The following SLC43A2 variants were observed in gnomAD, a reference collection of about 807,000 sequenced individuals.
SLC43A2 encodes the protein solute carrier family 43 member 2, also known as large neutral amino acids transporter small subunit 4.
Under a neutral mutation model 63.2 loss-of-function variants are expected in SLC43A2, and 38 were observed. That is an observed-to-expected ratio of 0.60 (90% CI 0.46 to 0.79). The LOEUF (loss-of-function observed/expected upper bound fraction) is 0.79. SLC43A2 is among the 30% of genes least tolerant of loss of function. The pLI, the probability that SLC43A2 is intolerant of heterozygous loss-of-function variation, is 0.00. For missense variants in SLC43A2, 644 were observed against 756.2 expected (o/e 0.85, Z 1.74); for synonymous variants, 322 against 331.0 (o/e 0.97, Z 0.30).
intron 5 of SLC43A2, among the ~76,000 whole-genome samples, chr17:1,595,634 T>C (rs1457001190): frequency 1.3e-5 from 2 of 151,962 alleles, no homozygotes; most frequent in African/African-American, 4.8e-5. Flanking sequence ...TTAGTAGAGA[T>C]AGGGTTTCAC....
intron 9 of SLC43A2, among the ~76,000 whole-genome samples, chr17:1,587,256 C>T (rs1454856710): frequency 6.6e-6 from 1 of 152,194 alleles, no homozygotes; most frequent in Non-Finnish European, 1.5e-5. Flanking sequence ...GTGAATCAGG[C>T]CTGTGACGTT....
intron 2 of SLC43A2, among the ~76,000 whole-genome samples, chr17:1,621,114 C>T (rs185670495): frequency 1.2e-4 from 19 of 152,172 alleles, no homozygotes; most frequent in Admixed American, 1.1e-3. Context: ...AGGAGGAGAC[C>T]CAGGGCCAGG....
intron 5 of SLC43A2, among the ~76,000 whole-genome samples, chr17:1,595,982 T>A (rs754325705): frequency 4.6e-5 from 7 of 152,172 alleles, no homozygotes; most frequent in Non-Finnish European, 1.0e-4. Flanking sequence ...GTAAGGGATG[T>A]CAGCAAAATT....
At chr17:1,579,017 T>G (rs1187804784) in intron 11 of SLC43A2, among the ~76,000 whole-genome samples, 1 of 151,714 alleles carries the variant, frequency 6.6e-6, no homozygotes, top group Non-Finnish European at 1.5e-5. Context: ...GGTGGGCACC[T>G]GTAATCTCAG....
chr17:1,628,006 C>T, intron 1 of SLC43A2, 86 bp from the exon 2 acceptor site: 4 of 1,211,074 alleles, frequency 3.3e-6, no homozygotes, highest in South Asian at 7.2e-5. Flanking sequence ...CCGCAGGGCT[C>T]GGGATTGCCA....
intron 4 of SLC43A2, among the ~76,000 whole-genome samples, chr17:1,614,052 G>A (rs1907368124): frequency 6.6e-6 from 1 of 152,092 alleles, no homozygotes; most frequent in Non-Finnish European, 1.5e-5. Flanking sequence ...GACCATCCTG[G>A]TTAACACAGT....
At chr17:1,611,915 G>GAA (rs397793358) in intron 5 of SLC43A2, among the ~76,000 whole-genome samples, 1 of 151,102 alleles carries the variant, frequency 6.6e-6, no homozygotes, top group South Asian at 2.1e-4. Context: ...AGCCCACAGA[G>GAA]TTCCCTTCTT....
At chr17:1,623,106 C>G (rs1211652444) in intron 2 of SLC43A2, among the ~76,000 whole-genome samples, 1 of 152,164 alleles carries the variant, frequency 6.6e-6, no homozygotes, top group Non-Finnish European at 1.5e-5. Context: ...AACTCCGTTC[C>G]CTCCTCCCCA....
intron 13 of SLC43A2, among the ~76,000 whole-genome samples, chr17:1,576,113 C>T (rs1253039674): frequency 1.5e-5 from 2 of 135,950 alleles, no homozygotes; most frequent in Non-Finnish European, 3.0e-5. Flanking sequence ...CGAAGTCTCG[C>T]GCTGTCGTCA....
rs1906531613 is a variant in SLC43A2 at position 1,605,588 on chromosome 17, CTGGGAGG to C, written c.501+7600_501+7606del. On this transcript the variant is annotated intron_variant, in intron 5 of 13. Coordinates refer to ENST00000301335, the MANE Select transcript of SLC43A2 (RefSeq NM_152346.3). This position sits in a 1 kb window ranked among gnomAD's most constrained non-coding sequence, Gnocchi z 4.9. ...TGGGTGGTGGGTGGGGGCTGCGGAGCTGGGAGGTGGGTGGGGGCTGGGGAGCTGGGTG... is the reference window on the plus strand; with the variant it reads ...TGGGTGGTGGGTGGGGGCTGCGGAGCTGGGTGGGGGCTGGGGAGCTGGGTG... Among the ~76,000 whole-genome samples, 1 of 23,526 alleles carries C rather than the reference CTGGGAGG, an allele frequency of 4.3e-5. No individual in the cohort carries two copies. The highest frequency in any genetic ancestry group is 1.8e-4 in the African/African-American group (1 of 5,598). The allele number at this position is 23,526 out of a possible 152,430, so 15.4% of individuals were successfully genotyped here.
At chr17:1,630,076 CAAAATAAAAACCA>C (rs1909030454), upstream of SLC43A2, among the ~76,000 whole-genome samples, 1 of 152,202 alleles carries the variant, frequency 6.6e-6, no homozygotes, top group East Asian at 1.9e-4. Context: ...CCATCTCTAC[CAAAATAAAAACCA>C]AAAATAAAAC....
chr17:1,575,571 A>T lies in SLC43A2; in HGVS notation c.*33T>A. On this transcript the variant is annotated 3_prime_UTR_variant, in exon 14 of 14. Transcript: ENST00000301335. ...GGACAGGGGTCAGTCACTGAAGCACAGGCAGGAGACCGCAGTTCCGAGGCG... is the reference window on the plus strand; with the variant it reads ...GGACAGGGGTCAGTCACTGAAGCACTGGCAGGAGACCGCAGTTCCGAGGCG... The T allele has an allele frequency of 6.2e-7, 1 of 1,613,880 alleles. No homozygotes were observed. The highest frequency in any genetic ancestry group is 8.5e-7 in the Non-Finnish European group (1 of 1,179,894).
Position 1,627,889 on chromosome 17 carries a change from C to A in SLC43A2, c.-15G>T. 1 of 1,530,272 alleles carries A rather than the reference C, an allele frequency of 6.5e-7. No homozygotes were observed. Among genetic ancestry groups the A allele is most frequent in the Non-Finnish European group, 8.8e-7 (1 of 1,138,836 alleles). The allele number at this position is 1,530,272 out of a possible 1,614,324, so 94.8% of individuals were successfully genotyped here. A position where few individuals can be genotyped will look rare whatever the true frequency, so the allele number is the denominator to read the frequency against. On this transcript the variant is annotated 5_prime_UTR_variant, in exon 2 of 14. Coordinates refer to ENST00000301335, the MANE Select transcript of SLC43A2 (RefSeq NM_152346.3). ...GTGGGCGCCATGGTGCGGCGCGGCG[C>A]GGCTCCGGCTCCGGCTCCGGCTCTG... is the stretch of plus-strand genomic sequence containing the variant.
In SLC43A2 at chr17:1,575,534, T is replaced by C. The variant is rs1327861011; in HGVS notation, c.*70A>G. The C allele has an allele frequency of 3.1e-6, 5 of 1,600,692 alleles. No homozygotes were observed. The highest frequency in any genetic ancestry group is 4.3e-6 in the Non-Finnish European group (5 of 1,168,588). ...AAGGTCCTGGGGGTGCGTGGGGTAC[T>C]CTGGAGGGGCAGGACAGGGGTCAGT... On this transcript the variant is annotated 3_prime_UTR_variant, in exon 14 of 14. Coordinates refer to ENST00000301335, the MANE Select transcript of SLC43A2 (RefSeq NM_152346.3).
Position 1,578,355 on chromosome 17 carries a change from G to C in SLC43A2, c.1351-32C>G, listed in dbSNP as rs767558868. 5.0e-6 allele frequency: 8 copies of C among 1,605,574 alleles called. No individual in the cohort carries two copies. The highest frequency in any genetic ancestry group is 6.8e-6 in the Non-Finnish European group (8 of 1,173,722). On this transcript the variant is annotated intron_variant, in intron 11 of 13. Coordinates refer to ENST00000301335, the MANE Select transcript of SLC43A2 (RefSeq NM_152346.3). This position sits in a 1 kb window ranked among gnomAD's most constrained non-coding sequence, Gnocchi z 6.5. ...GAGGAAAAGGCGACTGTGGGCATAA[G>C]GCCTTAAGGGACCGTCCCCTCAGCC... is the stretch of plus-strand genomic sequence containing the variant.
Position 1,591,596 on chromosome 17 carries a change from G to T in SLC43A2, c.698C>A (p.Pro233His). The T allele has an allele frequency of 6.5e-7, 1 of 1,549,630 alleles. No individual in the cohort carries two copies. The highest frequency in any genetic ancestry group is 1.2e-5 in the South Asian group (1 of 84,070). ...GTCCATGTCCTCCGGCCCCGGGAAG[G>T]GCTCAAGGGGCCAGTTAAAGAAGCA... ...LNCFFNWPLE[P>H]FPGPEDMDYS... Residue 233 changes from proline to histidine, a missense_variant, in exon 7 of 14, where the codon CCC (proline) becomes CAC (histidine). Pro to His is a moderately conservative substitution (Grantham distance 77). Coordinates refer to ENST00000301335, the MANE Select transcript of SLC43A2 (RefSeq NM_152346.3).
intron 3 of SLC43A2, among the ~76,000 whole-genome samples, chr17:1,615,432 T>C (rs1350117322): frequency 6.6e-6 from 1 of 151,418 alleles, no homozygotes; most frequent in Non-Finnish European, 1.5e-5. Flanking sequence ...TATTTTTGTA[T>C]ATGTATTATA....
At chr17:1,585,315 C>T (rs754351064) in intron 10 of SLC43A2, 375 of 837,882 alleles carry the variant, frequency 4.5e-4, no homozygotes, top group Non-Finnish European at 5.3e-4. Flanking sequence ...GATCTCGGCT[C>T]ACTGCAACCT....
chr17:1,595,396 C>G (rs8081142), intron 5 of SLC43A2, among the ~76,000 whole-genome samples: 41,300 of 151,956 alleles, frequency 0.27, 6,250 homozygotes, highest in Non-Finnish European at 0.34. Context: ...TCTTCCCCCC[C>G]CAGCTCCCAA....
Sources: gnomAD v4.1 joint callset for allele counts (sites outside exome capture counted in the v4.1 genomes callset) on GRCh38, gnomAD v4.1.1 for gene constraint, Gnocchi (gnomAD v3.1) non-coding constraint, MANE v1.5 for transcripts, NCBI Gene and HGNC (gene_info 2026-07-23, HGNC 2026-07-21) for gene names.